Variants in NPAS3 observed in about 807,000 individuals in gnomAD.
NPAS3 encodes neuronal PAS domain-containing protein 3.
A neutral mutation model predicts 73.1 loss-of-function variants in NPAS3; 14 were observed. The ratio of observed to expected loss-of-function variants is 0.19; its 90% CI spans 0.13 to 0.30. NPAS3 has a LOEUF of 0.30. Among genes scored for constraint, NPAS3 ranks in the 10% least tolerant of loss-of-function variants. NPAS3 has a pLI of 1.00. For missense variants in NPAS3, 1,096 were observed against 1,250.0 expected (o/e 0.88, Z 1.86); for synonymous variants, 620 against 541.5 (o/e 1.14, Z -2.01).
chr14:33,139,955 A>G (rs879131115), intron 2 of NPAS3, among the ~76,000 whole-genome samples: 1 of 146,078 alleles, frequency 6.8e-6, no homozygotes, highest in Non-Finnish European at 1.5e-5. Context: ...TTTTTTTTTC[A>G]AGAGAAAGAG....
chr14:33,599,155 G>T (rs77254081), intron 5 of NPAS3, among the ~76,000 whole-genome samples: 7,870 of 152,196 alleles, frequency 0.052, 270 homozygotes, highest in South Asian at 0.12. Flanking sequence ...CCGTGTATCT[G>T]TCTGTTATGT....
chr14:33,470,515 C>T (rs1319848681), intron 4 of NPAS3, among the ~76,000 whole-genome samples: 1 of 152,168 alleles, frequency 6.6e-6, no homozygotes, highest in African/African-American at 2.4e-5. Flanking sequence ...CCAAATCTCA[C>T]ATCAGATAGA....
At chr14:33,427,466 G>C (rs1479089352) in intron 4 of NPAS3, among the ~76,000 whole-genome samples, 1 of 151,374 alleles carries the variant, frequency 6.6e-6, no homozygotes, top group Non-Finnish European at 1.5e-5. Context: ...CTGTGTTTTG[G>C]AACATCTGTC....
chr14:33,443,096 C>G (rs1479570792), intron 4 of NPAS3, among the ~76,000 whole-genome samples: 1 of 152,164 alleles, frequency 6.6e-6, no homozygotes, highest in Non-Finnish European at 1.5e-5. Flanking sequence ...GACCAGCTTC[C>G]CTCAGTTAAC....
intron 2 of NPAS3, among the ~76,000 whole-genome samples, chr14:33,149,270 CTCT>C (rs1455675652): frequency 6.6e-6 from 1 of 152,216 alleles, no homozygotes; most frequent in Non-Finnish European, 1.5e-5. Flanking sequence ...TTTGTGCCTC[CTCT>C]TGTTATTCCG....
chr14:32,946,737 A>C (rs1426016815), intron 1 of NPAS3, among the ~76,000 whole-genome samples: 2 of 152,228 alleles, frequency 1.3e-5, no homozygotes, highest in African/African-American at 4.8e-5. Flanking sequence ...TTTTACATTC[A>C]GCAAATATCT....
chr14:33,144,609 A>G (rs763920445), intron 2 of NPAS3, among the ~76,000 whole-genome samples: 2 of 152,158 alleles, frequency 1.3e-5, no homozygotes, highest in Non-Finnish European at 2.9e-5. Flanking sequence ...TGGCATGCTC[A>G]TGGCTCACTA....
chr14:33,327,914 C>A (rs2043784587), intron 3 of NPAS3, among the ~76,000 whole-genome samples: 1 of 152,080 alleles, frequency 6.6e-6, no homozygotes, highest in South Asian at 2.1e-4. Flanking sequence ...ATGAGTCCAC[C>A]AGTAATCAGG....
chr14:33,493,800 C>G (rs1470668573), intron 4 of NPAS3, among the ~76,000 whole-genome samples: 1 of 152,072 alleles, frequency 6.6e-6, no homozygotes, highest in African/African-American at 2.4e-5. Flanking sequence ...AGTTATAAAC[C>G]TTTCATAAAG....
At chr14:33,619,802 G>A (rs1457669153) in intron 5 of NPAS3, among the ~76,000 whole-genome samples, 2 of 152,184 alleles carry the variant, frequency 1.3e-5, no homozygotes, top group African/African-American at 2.4e-5. Context: ...GGGTATAGAC[G>A]AAGATATCCA....
At position 33,237,397 on chromosome 14, in the gene NPAS3, T is replaced by C. The variant is rs142284453; in HGVS notation, c.385+21971T>C. On this transcript the variant is annotated intron_variant, in intron 3 of 11. Coordinates refer to ENST00000356141, the Ensembl canonical transcript of NPAS3. ...TAAGTACCAGCAACACATTCTTGAC[T>C]GAATAATGATGTATGTGGAATGTTA... is the stretch of plus-strand genomic sequence containing the variant. Among the ~76,000 whole-genome samples, 143 of 152,224 alleles carry C rather than the reference T, an allele frequency of 9.4e-4. 2 individuals are homozygous for C. In the East Asian group the frequency reaches 0.025, roughly 26 times the overall value.
rs57525328 is a variant in NPAS3, at chr14:33,634,742, T to G, written c.559-41469T>G. Among the ~76,000 whole-genome samples, 1,427 of 152,292 alleles carry G rather than the reference T, an allele frequency of 9.4e-3. 46 individuals are homozygous for G. The East Asian group carries it at 0.12, about 13-fold the overall frequency. ...AGTTAGGCTGAATTGGGTTAAGTTT[T>G]CAATGCCTGTGGAACATTGTGGTAG... On this transcript the variant is annotated intron_variant, in intron 5 of 11. Transcript: ENST00000356141.
At chr14:33,750,215 CTTTTTT>C (rs528359092) in intron 7 of NPAS3, among the ~76,000 whole-genome samples, 1 of 145,016 alleles carries the variant, frequency 6.9e-6, no homozygotes, top group South Asian at 2.2e-4. Context: ...TCAGCTATTC[CTTTTTT>C]TTTTTTTCTT....
chr14:33,702,025 C>T lies in NPAS3; in HGVS notation c.733+25640C>T, dbSNP rs138477532. Reference sequence around the variant, plus strand: ...AAAAAAAGTAGATTGTCAAACTGTTCAGCCTTCTAGAGAAGATGCAAGATA... The same window carrying T: ...AAAAAAAGTAGATTGTCAAACTGTTTAGCCTTCTAGAGAAGATGCAAGATA... On this transcript the variant is annotated intron_variant, in intron 6 of 11. Transcript: ENST00000356141. Among the ~76,000 whole-genome samples the T allele has an allele frequency of 1.2e-3, 188 of 152,336 alleles. 1 individual carries two copies. Among genetic ancestry groups the T allele is most frequent in the Non-Finnish European group, 2.2e-3 (147 of 68,028 alleles).
At chr14:33,712,770 G>T (rs1022238877) in intron 6 of NPAS3, among the ~76,000 whole-genome samples, 7 of 152,152 alleles carry the variant, frequency 4.6e-5, no homozygotes, top group Admixed American at 4.6e-4. Flanking sequence ...ACTAGAACCT[G>T]AGAAACCCAG....
At chr14:33,136,821 G>A (rs748087392) in intron 2 of NPAS3, among the ~76,000 whole-genome samples, 1 of 152,234 alleles carries the variant, frequency 6.6e-6, no homozygotes, top group Admixed American at 6.5e-5. Context: ...CTGTTACAAA[G>A]ATGATGGGAG....
intron 7 of NPAS3, among the ~76,000 whole-genome samples, chr14:33,749,448 C>T (rs1218300563): frequency 6.6e-6 from 1 of 152,152 alleles, no homozygotes; most frequent in African/African-American, 2.4e-5. Flanking sequence ...GGTAAATGCT[C>T]TTCTGTGATG....
chr14:32,955,896 T>A (rs1269596198), intron 1 of NPAS3, among the ~76,000 whole-genome samples: 1 of 152,142 alleles, frequency 6.6e-6, no homozygotes, highest in Non-Finnish European at 1.5e-5. Flanking sequence ...GCTTAGTAAT[T>A]CCTAGTGTAT....
At chr14:33,370,217 A>G (rs764851778) in intron 4 of NPAS3, among the ~76,000 whole-genome samples, 2 of 152,268 alleles carry the variant, frequency 1.3e-5, no homozygotes, top group East Asian at 3.9e-4. Context: ...GGTTGCATGA[A>G]GTGAGAAATA....
Sources: allele counts gnomAD v4.1 joint callset (sites outside exome capture counted in the v4.1 genomes callset), GRCh38; gene constraint gnomAD v4.1.1; transcripts MANE v1.5; gene names NCBI Gene and HGNC (gene_info 2026-07-23, HGNC 2026-07-21).